The following EDAR variants were observed in gnomAD, a reference collection of about 807,000 sequenced individuals.
EDAR encodes ectodysplasin A receptor, also known as tumor necrosis factor receptor superfamily member EDAR.
A neutral mutation model predicts 51.3 loss-of-function variants in EDAR; 38 were observed. That is an observed-to-expected ratio of 0.74 (90% CI 0.57 to 0.97). The LOEUF is 0.97. Among genes scored for constraint, EDAR ranks in the 50% least tolerant of loss-of-function variants. The pLI is 0.00. For missense variants in EDAR, 528 were observed against 595.0 expected (o/e 0.89, Z 1.17); for synonymous variants, 227 against 242.1 (o/e 0.94, Z 0.58).
intron 1 of EDAR, among the ~76,000 whole-genome samples, chr2:108,964,886 T>C (rs1194825267): frequency 1.3e-5 from 2 of 152,206 alleles, no homozygotes; most frequent in Non-Finnish European, 2.9e-5. Context: ...AAAAACATAC[T>C]TAATAACAGC....
chr2:108,927,188 G>T (rs1697273302), intron 4 of EDAR, among the ~76,000 whole-genome samples: 1 of 152,202 alleles, frequency 6.6e-6, no homozygotes, highest in Non-Finnish European at 1.5e-5. Context: ...CGTGCTGAGG[G>T]TGTCTCTGCA....
chr2:108,971,973 C>A (rs1020103237), intron 1 of EDAR, among the ~76,000 whole-genome samples: 2 of 152,174 alleles, frequency 1.3e-5, no homozygotes, highest in East Asian at 1.9e-4. Context: ...GGGGAGCTCC[C>A]GTGGCCCGGA....
intron 1 of EDAR, among the ~76,000 whole-genome samples, chr2:108,932,808 C>T (rs1219129309): frequency 6.6e-6 from 1 of 152,164 alleles, no homozygotes; most frequent in Non-Finnish European, 1.5e-5. Context: ...AACATTCAAA[C>T]CATAGCAGCA....
At chr2:108,946,792 A>T (rs955718539) in intron 1 of EDAR, among the ~76,000 whole-genome samples, 15 of 151,992 alleles carry the variant, frequency 9.9e-5, no homozygotes, top group African/African-American at 3.6e-4. Flanking sequence ...ATCACCTCCC[A>T]CCATGTTTCT....
chr2:108,931,413 G>A (rs983838219), intron 1 of EDAR, among the ~76,000 whole-genome samples: 4 of 152,226 alleles, frequency 2.6e-5, no homozygotes, highest in Non-Finnish European at 5.9e-5. Context: ...GACTTAGGAG[G>A]ACCCCTGGAG....
chr2:108,903,165 T>C (rs149445286), intron 11 of EDAR, among the ~76,000 whole-genome samples: 12 of 152,246 alleles, frequency 7.9e-5, no homozygotes, highest in African/African-American at 2.6e-4. Context: ...ATAAATGATA[T>C]GGTGTAAATC....
chr2:108,909,891 AGT>A (rs369403688), intron 9 of EDAR, among the ~76,000 whole-genome samples: 4 of 152,236 alleles, frequency 2.6e-5, no homozygotes, highest in Admixed American at 6.5e-5. Flanking sequence ...GCTGTTCACT[AGT>A]GTGTGACCTT....
rs529833476 is a variant in EDAR at position 108,933,016 on chromosome 2, C to T, written c.-18-1984G>A. Among the ~76,000 whole-genome samples, 9 of 152,254 alleles carry T rather than the reference C, an allele frequency of 5.9e-5. No individual in the cohort carries two copies. The South Asian group carries it at 6.2e-4, about 11-fold the overall frequency. ...GAGGGTGGGCAGAATCCTGGCAGGG[C>T]CTTAAGATGGTACGCTTGTTTATCA... is the stretch of plus-strand genomic sequence containing the variant. On this transcript the variant is annotated intron_variant, in intron 1 of 11. Transcript: ENST00000258443.
chr2:108,925,388 G>A (rs1697233451), intron 4 of EDAR, among the ~76,000 whole-genome samples: 1 of 152,220 alleles, frequency 6.6e-6, no homozygotes, highest in African/African-American at 2.4e-5. Context: ...AAGCTCCAAG[G>A]CTACACGGCG....
chr2:108,944,333 T>C (rs1697673282), intron 1 of EDAR, among the ~76,000 whole-genome samples: 1 of 152,174 alleles, frequency 6.6e-6, no homozygotes, highest in East Asian at 1.9e-4. Context: ...GGGCTGGTCC[T>C]GAACTCCTGA....
chr2:108,927,453 C>T (rs568317735), intron 4 of EDAR, among the ~76,000 whole-genome samples: 2 of 152,338 alleles, frequency 1.3e-5, no homozygotes, highest in South Asian at 2.1e-4. Context: ...TTAGTAATTA[C>T]ACACTTTCTG....
intron 1 of EDAR, among the ~76,000 whole-genome samples, chr2:108,939,149 C>CT (rs1470056813): frequency 6.6e-6 from 1 of 152,048 alleles, no homozygotes; most frequent in Non-Finnish European, 1.5e-5. Flanking sequence ...CTCTTCAGCA[C>CT]TTTAATACAC....
At chr2:108,924,477 G>A (rs1021842401) in intron 4 of EDAR, among the ~76,000 whole-genome samples, 3 of 152,218 alleles carry the variant, frequency 2.0e-5, no homozygotes, top group Non-Finnish European at 4.4e-5. Context: ...AACGTGAGCG[G>A]TGCCAACACT....
chr2:108,943,808 C>T (rs1476560614), intron 1 of EDAR, among the ~76,000 whole-genome samples: 4 of 152,152 alleles, frequency 2.6e-5, no homozygotes, highest in Non-Finnish European at 5.9e-5. Flanking sequence ...CAGCACACCT[C>T]AGGCTGGGGC....
chr2:108,953,646 C>T (rs1697866619), intron 1 of EDAR, among the ~76,000 whole-genome samples: 1 of 152,060 alleles, frequency 6.6e-6, no homozygotes, highest in Non-Finnish European at 1.5e-5. Context: ...TCTAGGAAGA[C>T]TAATTTGGTG....
At chr2:108,911,318 C>G (rs1696925754) in intron 6 of EDAR, among the ~76,000 whole-genome samples, 3 of 152,186 alleles carry the variant, frequency 2.0e-5, no homozygotes, top group African/African-American at 7.2e-5. Context: ...CTGGGGTCAC[C>G]TGATTGTTCC....
At chr2:108,910,895 G>C in intron 7 of EDAR, 45 bp from the exon 8 acceptor site, 1 of 1,613,988 alleles carries the variant, frequency 6.2e-7, no homozygotes, top group African/African-American at 1.3e-5. Flanking sequence ...TCCGACAGGG[G>C]GAGTTGACGG....
intron 5 of EDAR, among the ~76,000 whole-genome samples, chr2:108,914,190 G>A (rs1696985420): frequency 6.6e-6 from 1 of 151,520 alleles, no homozygotes; most frequent in African/African-American, 2.4e-5. Flanking sequence ...AACCCGGGAG[G>A]TGGAGGTTGC....
intron 9 of EDAR, 34 bp from the exon 10 acceptor site, chr2:108,908,053 C>A: frequency 6.3e-7 from 1 of 1,580,748 alleles, no homozygotes; most frequent in Non-Finnish European, 8.6e-7. Context: ...ATTAGCAGTG[C>A]CTGGGGGGGC....
Sources: gnomAD v4.1 joint callset for allele counts (sites outside exome capture counted in the v4.1 genomes callset) on GRCh38, gnomAD v4.1.1 for gene constraint, MANE v1.5 for transcripts, NCBI Gene and HGNC (gene_info 2026-07-23, HGNC 2026-07-21) for gene names.